Variants in HTR4 observed in about 807,000 individuals in gnomAD.
HTR4 encodes 5-hydroxytryptamine receptor 4, also known as 5-hydroxytryptamine (serotonin) receptor 4, G protein-coupled.
In HTR4, 16 loss-of-function variants were observed where a neutral mutation model predicts 36.8. That is an observed-to-expected ratio of 0.43 (90% CI 0.29 to 0.66). The LOEUF (loss-of-function observed/expected upper bound fraction) is 0.66, where lower values mean the gene tolerates loss of function less well. HTR4 is among the 30% of genes least tolerant of loss of function. The probability of loss-of-function intolerance (pLI) is 0.13; values close to 1 mark genes in which losing one functional copy is unlikely to be tolerated. For synonymous variants in HTR4, 189 were observed against 185.1 expected (o/e 1.02, Z -0.17); for missense variants, 438 against 490.9 (o/e 0.89, Z 1.02).
At chr5:148,464,740 C>T (rs1755378695) in intron 5 of HTR4, among the ~76,000 whole-genome samples, 1 of 152,154 alleles carries the variant, frequency 6.6e-6, no homozygotes, top group South Asian at 2.1e-4. Context: ...TTGGTATTTA[C>T]ACCAAGGAGT....
At chr5:148,505,196 T>G (rs1757134065) in intron 6 of HTR4, among the ~76,000 whole-genome samples, 1 of 152,194 alleles carries the variant, frequency 6.6e-6, no homozygotes, top group Admixed American at 6.5e-5. Context: ...GCTTCATCCC[T>G]GGGATGCAAG....
chr5:148,490,503 C>T, intron 6 of HTR4: 3 of 910,144 alleles, frequency 3.3e-6, no homozygotes, highest in Non-Finnish European at 4.0e-6. Flanking sequence ...GTTTGCTGTC[C>T]CCTACACTTA....
intron 6 of HTR4, among the ~76,000 whole-genome samples, 189 bp from the exon 7 acceptor site, chr5:148,483,482 T>A (rs1755990792): frequency 6.6e-6 from 1 of 152,176 alleles, no homozygotes; most frequent in African/African-American, 2.4e-5. Flanking sequence ...CTATTAGAAA[T>A]AGCCCATTAA....
At chr5:148,584,634 AC>A (rs34024909) in intron 2 of HTR4, among the ~76,000 whole-genome samples, 1 of 151,982 alleles carries the variant, frequency 6.6e-6, no homozygotes, top group Non-Finnish European at 1.5e-5. Flanking sequence ...TAGGTGACAG[AC>A]CCCAGTTTTG....
At chr5:148,548,949 A>C (rs999067191) in intron 3 of HTR4, 81 bp from the exon 4 acceptor site, 14 of 973,390 alleles carry the variant, frequency 1.4e-5, no homozygotes, top group Non-Finnish European at 2.2e-5. Context: ...CAAGAGAAAA[A>C]ACAGGGAAAA....
chr5:148,491,889 T>G (rs887248542), intron 6 of HTR4, among the ~76,000 whole-genome samples: 39 of 152,198 alleles, frequency 2.6e-4, no homozygotes, highest in African/African-American at 7.9e-4. Flanking sequence ...GCACTCAAGC[T>G]CCTAAAATAA....
intron 2 of HTR4, among the ~76,000 whole-genome samples, chr5:148,598,370 C>A (rs1237317424): frequency 6.6e-6 from 1 of 152,040 alleles, no homozygotes; most frequent in Non-Finnish European, 1.5e-5. Flanking sequence ...CATGGTCAAA[C>A]CCCATCTCTA....
At chr5:148,529,600 T>C (rs1034204278) in intron 4 of HTR4, among the ~76,000 whole-genome samples, 6 of 152,230 alleles carry the variant, frequency 3.9e-5, no homozygotes, top group African/African-American at 1.4e-4. Flanking sequence ...CTTGGGTATG[T>C]CTTTATCAGC....
intron 6 of HTR4, among the ~76,000 whole-genome samples, chr5:148,497,564 G>A (rs559128354): frequency 7.9e-5 from 12 of 152,294 alleles, no homozygotes; most frequent in African/African-American, 2.6e-4. Flanking sequence ...TAGTGGGAAT[G>A]CAGCTAATGT....
intron 2 of HTR4, among the ~76,000 whole-genome samples, chr5:148,555,123 G>C (rs996481904): frequency 6.6e-6 from 1 of 151,828 alleles, no homozygotes; most frequent in Non-Finnish European, 1.5e-5. Context: ...TACTGTACAG[G>C]GCTCCTATAT....
chr5:148,544,837 T>C (rs1399607082), intron 4 of HTR4, among the ~76,000 whole-genome samples: 1 of 152,232 alleles, frequency 6.6e-6, no homozygotes, highest in African/African-American at 2.4e-5. Context: ...GTCTGCCATC[T>C]GAGAAGAGTT....
intron 5 of HTR4, among the ~76,000 whole-genome samples, chr5:148,522,820 C>T (rs1758084259): frequency 6.6e-6 from 1 of 152,078 alleles, no homozygotes; most frequent in Admixed American, 6.6e-5. Flanking sequence ...TTGCTGAAGA[C>T]AGGCCAAGGT....
chr5:148,462,499 A>G (rs1374874743), intron 5 of HTR4, among the ~76,000 whole-genome samples: 1 of 152,090 alleles, frequency 6.6e-6, no homozygotes, highest in Admixed American at 6.5e-5. Flanking sequence ...GCTTATATAT[A>G]TATTAAAGAA....
At chr5:148,534,727 ACTTGGGCCCCAGCACATACC>A (rs1758730578) in intron 4 of HTR4, among the ~76,000 whole-genome samples, 1 of 151,996 alleles carries the variant, frequency 6.6e-6, no homozygotes, top group Non-Finnish European at 1.5e-5. Flanking sequence ...GTAACCCCTA[ACTTGGGCCCCAGCACATACC>A]CTTCAGTCTG....
intron 2 of HTR4, among the ~76,000 whole-genome samples, chr5:148,608,541 A>G (rs10060494): frequency 0.014 from 2,138 of 152,322 alleles, 43 homozygotes; most frequent in African/African-American, 0.048. Context: ...GGTATGATAC[A>G]ATATAGATGG....
At chr5:148,625,674 G>A (rs927941571) in intron 2 of HTR4, among the ~76,000 whole-genome samples, 5 of 152,132 alleles carry the variant, frequency 3.3e-5, no homozygotes, top group East Asian at 3.9e-4. Flanking sequence ...TCTGCCTCCC[G>A]GGTTCAAGCG....
chr5:148,544,141 A>G (rs923402715), intron 4 of HTR4, among the ~76,000 whole-genome samples: 1 of 151,414 alleles, frequency 6.6e-6, no homozygotes, highest in South Asian at 2.2e-4. Flanking sequence ...AATTTAACTG[A>G]CCATCCACTC....
chr5:148,611,554 T>A (rs1383067878), intron 2 of HTR4, among the ~76,000 whole-genome samples: 1 of 141,266 alleles, frequency 7.1e-6, no homozygotes, highest in Non-Finnish European at 1.5e-5. Context: ...GAACAACCGG[T>A]ACCAGCCACT....
intron 4 of HTR4, among the ~76,000 whole-genome samples, chr5:148,526,805 T>G (rs1310300439): frequency 6.6e-6 from 1 of 152,084 alleles, no homozygotes; most frequent in Non-Finnish European, 1.5e-5. Context: ...TTGTCCCTCA[T>G]GTGAGGGAGC....
Sources: gnomAD v4.1 joint callset for allele counts (sites outside exome capture counted in the v4.1 genomes callset) on GRCh38, gnomAD v4.1.1 for gene constraint, MANE v1.5 for transcripts, NCBI Gene and HGNC (gene_info 2026-07-23, HGNC 2026-07-21) for gene names.